RNF213: variants seen among roughly 807,000 people sequenced by gnomAD.
RNF213 encodes ring finger protein 213, also known as E3 ubiquitin-protein ligase RNF213.
In RNF213, 341 loss-of-function variants were observed where a neutral mutation model predicts 514.4. The observed-to-expected ratio is 0.66, with a 90% CI of 0.61 to 0.73. The LOEUF is 0.73. Ranked by LOEUF, RNF213 falls within the 30% of genes least tolerant of loss-of-function variation. RNF213 has a pLI of 0.00. For missense variants in RNF213, 5,767 were observed against 6,615.6 expected (o/e 0.87, Z 4.45); for synonymous variants, 2,655 against 2,658.2 (o/e 1.00, Z 0.04).
At chr17:80,350,607 T>C (rs1226538651) in intron 31 of RNF213, among the ~76,000 whole-genome samples, 1 of 152,190 alleles carries the variant, frequency 6.6e-6, no homozygotes, top group Non-Finnish European at 1.5e-5. Context: ...AATAGTGGAA[T>C]GGGCCTGGGC....
chr17:80,355,497 C>T (rs367776362), intron 36 of RNF213, among the ~76,000 whole-genome samples: 15 of 26,276 alleles, frequency 5.7e-4, no homozygotes, highest in South Asian at 1.5e-3. Context: ...GAGGAAGAAG[C>T]GGGGTGACCG....
rs1328397848 is a variant in RNF213, at chr17:80,291,713, G to A, written c.1357G>A (p.Val453Ile). The change falls in exon 8 of 68, where the codon GTC becomes ATC. Residue 453 changes from valine (V) to isoleucine (I), a missense_variant. Physicochemically the swap from Val to Ile is conservative, Grantham distance 29. Coordinates refer to ENST00000582970, the MANE Select transcript of RNF213 (RefSeq NM_001256071.3). ...AGATAAATACATTCCTTACAAGTACGTCATTTATAATGGGGAATCTTTTGA... is the reference window on the plus strand; with the variant it reads ...AGATAAATACATTCCTTACAAGTACATCATTTATAATGGGGAATCTTTTGA... ...HLDKYIPYKY[V>I]IYNGESFEYE... 4 of 1,614,050 alleles carry A rather than the reference G, an allele frequency of 2.5e-6. No homozygotes were observed. The highest frequency in any genetic ancestry group is 1.7e-5 in the Admixed American group (1 of 59,988).
Position 80,387,234 on chromosome 17 carries a change from T to C in RNF213, c.14922+343T>C, listed in dbSNP as rs368717198. Among the ~76,000 whole-genome samples the C allele has an allele frequency of 2.6e-5, 4 of 152,360 alleles. No homozygotes were observed. In the East Asian group the frequency reaches 7.7e-4, roughly 29 times the overall value. On this transcript the variant is annotated intron_variant, in intron 63 of 67. Transcript: ENST00000582970. Reference sequence around the variant, plus strand: ...GATCCTCTCACATCAGCTTCCCAAATAGCTGAGATCACAAGTGTGCACCAC... The same window carrying C: ...GATCCTCTCACATCAGCTTCCCAAACAGCTGAGATCACAAGTGTGCACCAC...
chr17:80,392,953 G>A (rs372132185), intron 67 of RNF213, among the ~76,000 whole-genome samples: 4 of 151,566 alleles, frequency 2.6e-5, no homozygotes, highest in Non-Finnish European at 4.4e-5. Context: ...AGTAACATGA[G>A]GGGACTGATT....
Position 80,337,617 on chromosome 17 carries a change from A to C in RNF213, c.4559A>C (p.Lys1520Thr). 1 of 1,537,288 alleles carries C rather than the reference A, an allele frequency of 6.5e-7. No individual in the cohort carries two copies. ...CDSARNLEWL[K>T]TVNESHGSVE... is the part of the protein sequence containing the mutation. The stretch of plus-strand genomic sequence containing the variant: ...TCCGCCAGGAACTTGGAATGGCTGA[A>C]GACTGTGAATGAGAGTCATGGGTCT... The change falls in exon 24 of 68, where the codon AAG (lysine) becomes ACG (threonine). Residue 1520 changes from lysine (K) to threonine (T), a missense_variant. By Grantham distance (78) the Lys-to-Thr change is moderately conservative. Around this residue, in one of 13 missense-constraint regions of RNF213, gnomAD observed 1,377 missense variants for 1,635.2 expected, o/e 0.84. Transcript: ENST00000582970.
chr17:80,367,841 C>A lies in RNF213; in HGVS notation c.11965C>A (p.Leu3989Ile). 3 of 1,614,238 alleles carry A rather than the reference C, an allele frequency of 1.9e-6. No individual in the cohort carries two copies. Among genetic ancestry groups the A allele is most frequent in the Non-Finnish European group, 2.5e-6 (3 of 1,180,030 alleles). ...ATGCAAGGAGACAGCCAGCAAGACC[C>A]TCAGCAGGTGAGACCTTAGGTTTGG... ...CECKETASKTLSRFGIQPCSI... is the reference protein window; with the variant it reads ...CECKETASKTISRFGIQPCSI... The change falls in exon 43 of 68, where the codon CTC becomes ATC. Residue 3989 changes from leucine (L) to isoleucine (I), a missense_variant. Physicochemically the swap from Leu to Ile is conservative, Grantham distance 5. Around this residue, in one of 13 missense-constraint regions of RNF213, gnomAD observed 355 missense variants for 358.0 expected, o/e 0.99. Transcript: ENST00000582970.
In RNF213 at chr17:80,354,133, C is replaced by T. The variant is rs1303356125; in HGVS notation, c.10693C>T (p.Leu3565=). The T allele has an allele frequency of 6.2e-7, 1 of 1,614,082 alleles. No homozygotes were observed. Among genetic ancestry groups the T allele is most frequent in the East Asian group, 2.2e-5 (1 of 44,878 alleles). Residue 3565 remains leucine, a synonymous_variant, in exon 35 of 68, where the codon CTG becomes TTG. Transcript: ENST00000582970. The part of the protein sequence containing the change: ...TRNMRRVVLL[L]GLLNEDDACH... ...CAATATGCGGAGGGTGGTGCTCCTC[C>T]TGGGCCTCTTGAATGAGGATGACGC...
At chr17:80,368,587 C>T (rs945006424) in intron 44 of RNF213, among the ~76,000 whole-genome samples, 3 of 152,136 alleles carry the variant, frequency 2.0e-5, no homozygotes, top group Admixed American at 6.5e-5. Context: ...CATGCACCAC[C>T]ATGCCCGGCT....
chr17:80,321,069 A>C (rs1430836666), intron 17 of RNF213: 3 of 152,238 alleles, frequency 2.0e-5, no homozygotes, highest in African/African-American at 7.2e-5. Flanking sequence ...AATGCTTGAG[A>C]CCAGAAGTGT....
At chr17:80,363,568 AG>A in intron 40 of RNF213, 40 bp from the exon 41 acceptor site, 6 of 1,606,816 alleles carry the variant, frequency 3.7e-6, no homozygotes, top group Non-Finnish European at 4.3e-6. Flanking sequence ...GGCCGGTGGG[AG>A]GGGCACCGCT....
chr17:80,350,000 G>A (rs1349889950), intron 30 of RNF213, 94 bp downstream of exon 30: 15 of 1,368,088 alleles, frequency 1.1e-5, no homozygotes, highest in Non-Finnish European at 1.1e-5. Context: ...GTTAATGAGC[G>A]CCACAGTCAC....
At chr17:80,304,168 G>A (rs2045278157) in intron 11 of RNF213, among the ~76,000 whole-genome samples, 1 of 152,052 alleles carries the variant, frequency 6.6e-6, no homozygotes, top group African/African-American at 2.4e-5. Context: ...CCTTTAGTAT[G>A]CAGTGAACCT....
Position 80,302,228 on chromosome 17 carries a change from C to T in RNF213, c.2210+3710C>T, listed in dbSNP as rs140691890. On this transcript the variant is annotated intron_variant, in intron 11 of 67. Coordinates refer to ENST00000582970, the MANE Select transcript of RNF213 (RefSeq NM_001256071.3). ...AGGGTCCTAGAGCAGTATGGAACGA[C>T]TGTAATTTACAATTTATTACGTTTT... Among the ~76,000 whole-genome samples, 38 of 152,296 alleles carry T rather than the reference C, an allele frequency of 2.5e-4. 1 individual carries two copies. The East Asian group carries it at 6.2e-3, about 25-fold the overall frequency.
In RNF213 at chr17:80,345,714, T is replaced by C. The variant is rs780857260; in HGVS notation, c.7379T>C (p.Ile2460Thr). ...KVHGGTTADM[I>T]YSRVREAENV... The stretch of plus-strand genomic sequence containing the variant: ...CACGGAGGAACAACTGCAGACATGA[T>C]CTACTCCAGAGTCAGGGAGGCTGAA... Residue 2460 changes from isoleucine to threonine, a missense_variant, in exon 29 of 68, where the codon ATC becomes ACC. Ile to Thr is a moderately conservative substitution (Grantham distance 89, BLOSUM62 -1). Transcript: ENST00000582970. This position sits in a 1 kb window ranked among gnomAD's most constrained non-coding sequence, Gnocchi z 6.0. 6.2e-7 allele frequency: 1 copy of C among 1,614,216 alleles called. No homozygotes were observed. The highest frequency in any genetic ancestry group is 8.5e-7 in the Non-Finnish European group (1 of 1,180,044).
At chr17:80,319,717 T>C in intron 17 of RNF213, 2 of 1,415,028 alleles carry the variant, frequency 1.4e-6, no homozygotes, top group East Asian at 2.6e-5. Flanking sequence ...AAGCAAAATA[T>C]GTGAAATGGA....
chr17:80,267,495 A>G (rs1366448118), intron 2 of RNF213, among the ~76,000 whole-genome samples: 1 of 152,182 alleles, frequency 6.6e-6, no homozygotes, highest in Non-Finnish European at 1.5e-5. Flanking sequence ...AGAGAGTGAA[A>G]CAGCCTTATT....
intron 23 of RNF213, chr17:80,336,760 C>T (rs1207652934): frequency 2.9e-6 from 1 of 350,490 alleles, no homozygotes; most frequent in Non-Finnish European, 5.6e-6. Flanking sequence ...TAAAATTAGC[C>T]AGGCATGGTG....
chr17:80,390,909 A>T (rs540213726), intron 67 of RNF213, among the ~76,000 whole-genome samples: 1 of 152,090 alleles, frequency 6.6e-6, no homozygotes, highest in Non-Finnish European at 1.5e-5. Flanking sequence ...TAAAAATACA[A>T]AAATTAGCCA....
At chr17:80,379,974 T>G (rs1046784431) in intron 55 of RNF213, among the ~76,000 whole-genome samples, 1 of 152,142 alleles carries the variant, frequency 6.6e-6, no homozygotes, top group African/African-American at 2.4e-5. Context: ...GTGTCTTCCT[T>G]TTGGGCCTTG....
Sources: gnomAD v4.1 joint callset for allele counts (sites outside exome capture counted in the v4.1 genomes callset) on GRCh38, gnomAD v4.1.1 for gene constraint, gnomAD v4.1.1 regional missense constraint, Gnocchi (gnomAD v3.1) non-coding constraint, MANE v1.5 for transcripts, NCBI Gene and HGNC (gene_info 2026-07-23, HGNC 2026-07-21) for gene names.